The following MIR2052HG variants were observed in gnomAD, a reference collection of about 807,000 sequenced individuals.
MIR2052HG encodes MIR2052 host gene.
At chr8:74,602,878 T>TTCTTTCTTTCTTTCTTTCTTTTC (rs1227769436) in intron 1 of MIR2052HG, among the ~76,000 whole-genome samples, 1 of 131,178 alleles carries the variant, frequency 7.6e-6, no homozygotes, top group African/African-American at 2.8e-5. Context: ...TCTTTCTTTT[T>TTCTTTCTTTCTTTCTTTCTTTTC]TCTATTCACA....
chr8:74,630,578 T>C (rs775363163), intron 2 of MIR2052HG, among the ~76,000 whole-genome samples: 3 of 147,696 alleles, frequency 2.0e-5, no homozygotes, highest in Non-Finnish European at 4.5e-5. Flanking sequence ...AAAACTTTGA[T>C]GATAAGGAAC....
chr8:74,695,976 A>C (rs1169736354), intron 2 of MIR2052HG, among the ~76,000 whole-genome samples: 1 of 152,142 alleles, frequency 6.6e-6, no homozygotes, highest in African/African-American at 2.4e-5. Flanking sequence ...AAATTAACTT[A>C]ACAGATATTT....
chr8:74,610,682 A>C (rs190848790), intron 1 of MIR2052HG, among the ~76,000 whole-genome samples: 1 of 152,160 alleles, frequency 6.6e-6, no homozygotes. Flanking sequence ...ATACTCACAC[A>C]TGTACAGTTA....
intron 4 of MIR2052HG, among the ~76,000 whole-genome samples, chr8:74,713,958 G>A (rs1426619542): frequency 6.6e-6 from 1 of 151,920 alleles, no homozygotes; most frequent in Non-Finnish European, 1.5e-5. Flanking sequence ...AAAAGATGGG[G>A]GGAACAGAGT....
intron 2 of MIR2052HG, among the ~76,000 whole-genome samples, chr8:74,639,341 GT>G (rs1385743770): frequency 6.6e-6 from 1 of 152,078 alleles, no homozygotes; most frequent in Non-Finnish European, 1.5e-5. Context: ...TCACTTTTAT[GT>G]TCATCTGTCA....
chr8:74,733,023 A>G (rs1195373480), intron 4 of MIR2052HG, among the ~76,000 whole-genome samples: 1 of 152,042 alleles, frequency 6.6e-6, no homozygotes, highest in Non-Finnish European at 1.5e-5. Context: ...TGGAGAATAG[A>G]ACCTAATCAG....
At chr8:74,755,816 A>C (rs1809994028) in intron 5 of MIR2052HG, among the ~76,000 whole-genome samples, 1 of 152,150 alleles carries the variant, frequency 6.6e-6, no homozygotes, top group Non-Finnish European at 1.5e-5. Context: ...ATGGAATTGG[A>C]GTGGTGTCAT....
chr8:74,726,571 C>A (rs2128754463), intron 4 of MIR2052HG, among the ~76,000 whole-genome samples: 1 of 152,244 alleles, frequency 6.6e-6, no homozygotes, highest in Non-Finnish European at 1.5e-5. Context: ...AGGTGTCACA[C>A]AAAGTAAATC....
At chr8:74,647,565 G>C (rs530379070) in intron 2 of MIR2052HG, among the ~76,000 whole-genome samples, 1 of 152,218 alleles carries the variant, frequency 6.6e-6, no homozygotes, top group South Asian at 2.1e-4. Context: ...TAAGCATTTA[G>C]TCCTAAGAAC....
Position 74,705,050 on chromosome 8 carries a change from C to CT in MIR2052HG, n.371+1380dup, listed in dbSNP as rs1305568974. Reference sequence around the variant, plus strand: ...TGAACTTCCTTTACTTTTATTCTTTCTTTTTTTTTTTTCCAGTGGAAGATG... The same window carrying CT: ...TGAACTTCCTTTACTTTTATTCTTTCTTTTTTTTTTTTTCCAGTGGAAGATG... On this transcript the variant is annotated intron_variant and non_coding_transcript_variant, in intron 4 of 6. Coordinates refer to ENST00000523442, the Ensembl canonical transcript of MIR2052HG. Among the ~76,000 whole-genome samples the CT allele has an allele frequency of 1.7e-3, 248 of 145,002 alleles. 1 individual carries two copies. The highest frequency in any genetic ancestry group is 4.2e-3 in the African/African-American group (166 of 39,832).
At chr8:74,742,737 T>G (rs1253582163) in intron 4 of MIR2052HG, among the ~76,000 whole-genome samples, 1 of 152,164 alleles carries the variant, frequency 6.6e-6, no homozygotes, top group East Asian at 1.9e-4. Flanking sequence ...CTCTACCAAG[T>G]TATTAGTTCT....
chr8:74,610,193 A>G (rs1023330879), intron 1 of MIR2052HG, among the ~76,000 whole-genome samples: 4 of 151,990 alleles, frequency 2.6e-5, no homozygotes, highest in African/African-American at 9.6e-5. Flanking sequence ...TGCAGGATGC[A>G]AGATTAATAT....
chr8:74,667,426 G>A (rs1808942193), intron 2 of MIR2052HG, among the ~76,000 whole-genome samples: 1 of 152,256 alleles, frequency 6.6e-6, no homozygotes, highest in Middle Eastern at 3.4e-3. Flanking sequence ...CTAAAATCTA[G>A]AAGTTCTCTT....
chr8:74,662,657 G>C (rs1480516310), intron 2 of MIR2052HG, among the ~76,000 whole-genome samples: 2 of 152,130 alleles, frequency 1.3e-5, no homozygotes, highest in East Asian at 3.8e-4. Context: ...CCATGTCCAA[G>C]GATAATTGCT....
In MIR2052HG at chr8:74,632,961, C is replaced by T. The variant is rs557997512; in HGVS notation, n.216+20021C>T. Among the ~76,000 whole-genome samples, 3 of 152,240 alleles carry T rather than the reference C, an allele frequency of 2.0e-5. No homozygotes were observed. The South Asian group carries it at 6.2e-4, about 32-fold the overall frequency. On this transcript the variant is annotated intron_variant and non_coding_transcript_variant, in intron 2 of 6. Coordinates refer to ENST00000523442, the Ensembl canonical transcript of MIR2052HG. ...CACTAGTCTGGTTCAACCTTCAGGACTCAACTTTGATAATTCCTCTCCCAT... is the reference window on the plus strand; with the variant it reads ...CACTAGTCTGGTTCAACCTTCAGGATTCAACTTTGATAATTCCTCTCCCAT...
At chr8:74,754,600 A>C (rs2128757037) in intron 5 of MIR2052HG, among the ~76,000 whole-genome samples, 1 of 152,346 alleles carries the variant, frequency 6.6e-6, no homozygotes, top group Non-Finnish European at 1.5e-5. Flanking sequence ...GGTTGAAGAG[A>C]TCTACGGCTG....
chr8:74,687,715 G>A (rs533742816), intron 2 of MIR2052HG, among the ~76,000 whole-genome samples: 3 of 152,170 alleles, frequency 2.0e-5, no homozygotes, highest in South Asian at 4.1e-4. Context: ...TGGATGTAAA[G>A]CTTTACTTGC....
intron 4 of MIR2052HG, among the ~76,000 whole-genome samples, chr8:74,751,920 A>G (rs1809950603): frequency 6.6e-6 from 1 of 152,174 alleles, no homozygotes; most frequent in Non-Finnish European, 1.5e-5. Flanking sequence ...TCTGTAATTA[A>G]TACCTTTGTT....
intron 2 of MIR2052HG, among the ~76,000 whole-genome samples, chr8:74,627,715 A>ATGGTGTGT (rs1051845425): frequency 6.6e-6 from 1 of 152,176 alleles, no homozygotes; most frequent in Non-Finnish European, 1.5e-5. Context: ...TGTCCATGTA[A>ATGGTGTGT]TGGTGTGTTG....
Sources: gnomAD v4.1 joint callset for allele counts (sites outside exome capture counted in the v4.1 genomes callset) on GRCh38, gnomAD v4.1.1 for gene constraint, MANE v1.5 for transcripts, NCBI Gene and HGNC (gene_info 2026-07-23, HGNC 2026-07-21) for gene names.